Variants in VOPP1 observed in about 807,000 individuals in gnomAD.
VOPP1 encodes the protein VOPP1 WW domain binding protein.
Under a neutral mutation model 23.5 loss-of-function variants are expected in VOPP1, and 8 were observed. The ratio of observed to expected loss-of-function variants is 0.34; its 90% CI spans 0.20 to 0.61. The LOEUF is 0.61. VOPP1 is among the 20% of genes least tolerant of loss of function. The pLI, the probability that VOPP1 is intolerant of heterozygous loss-of-function variation, is 0.78. For missense variants in VOPP1, 174 were observed against 238.1 expected, an observed-to-expected ratio of 0.73 and a Z score of 1.77; for synonymous variants, 83 against 97.3, an observed-to-expected ratio of 0.85 and a Z score of 0.86.
intron 3 of VOPP1, among the ~76,000 whole-genome samples, chr7:55,493,899 G>T (rs1793759246): frequency 6.6e-6 from 1 of 152,176 alleles, no homozygotes; most frequent in Admixed American, 6.5e-5. Flanking sequence ...GCACCAAGAG[G>T]TTTGAACAAG....
chr7:55,562,371 C>T (rs1443983507), intron 1 of VOPP1, among the ~76,000 whole-genome samples: 10 of 152,204 alleles, frequency 6.6e-5, no homozygotes, highest in African/African-American at 2.2e-4. Flanking sequence ...CATTTCTAGT[C>T]TTACTGGGAT....
At chr7:55,518,345 A>T (rs1425015734) in intron 2 of VOPP1, among the ~76,000 whole-genome samples, 2 of 152,222 alleles carry the variant, frequency 1.3e-5, no homozygotes, top group Non-Finnish European at 2.9e-5. Flanking sequence ...TTTCACCTCA[A>T]TTAAATAAAA....
intron 1 of VOPP1, chr7:55,538,779 G>T: frequency 1.4e-6 from 1 of 738,668 alleles, no homozygotes; most frequent in Non-Finnish European, 2.1e-6. Context: ...GTGGGTTTGA[G>T]CTGCTGATGA....
intron 4 of VOPP1, among the ~76,000 whole-genome samples, chr7:55,452,083 C>G (rs1791259697): frequency 6.6e-6 from 1 of 152,292 alleles, no homozygotes; most frequent in East Asian, 1.9e-4. Context: ...AGTTAAACCT[C>G]TCAAACCCTG....
At chr7:55,505,256 G>A (rs1436113603) in intron 2 of VOPP1, among the ~76,000 whole-genome samples, 1 of 152,132 alleles carries the variant, frequency 6.6e-6, no homozygotes, top group Non-Finnish European at 1.5e-5. Flanking sequence ...TCCACAGTCG[G>A]GTCAGGGAGA....
chr7:55,566,509 C>G (rs776782497), intron 1 of VOPP1, among the ~76,000 whole-genome samples: 1 of 152,138 alleles, frequency 6.6e-6, no homozygotes, highest in African/African-American at 2.4e-5. Context: ...TTGCAGTGAG[C>G]CGAGATCATG....
intron 2 of VOPP1, among the ~76,000 whole-genome samples, chr7:55,509,795 T>C (rs1372288079): frequency 6.6e-6 from 1 of 152,246 alleles, no homozygotes; most frequent in Admixed American, 6.5e-5. Context: ...TCCCGGAACC[T>C]ATTCTTTTCA....
In VOPP1 at chr7:55,534,834, T is replaced by C. The variant is rs1796689795; in HGVS notation, c.55-13704A>G. 2.6e-5 allele frequency among the ~76,000 whole-genome samples: 4 copies of C among 152,346 alleles called. No homozygotes were observed. The South Asian group carries it at 6.2e-4, about 24-fold the overall frequency. On this transcript the variant is annotated intron_variant, in intron 1 of 4. Coordinates refer to ENST00000285279, the MANE Select transcript of VOPP1 (RefSeq NM_030796.5). ...CTTTGGGGAAAGTACCACCGCCCAC[T>C]AGCTCACCCCAGCCACATGCTGTCC...
intron 1 of VOPP1, among the ~76,000 whole-genome samples, chr7:55,534,946 G>A (rs1486767083): frequency 6.6e-6 from 1 of 152,250 alleles, no homozygotes; most frequent in Non-Finnish European, 1.5e-5. Flanking sequence ...AAGGAGGCTG[G>A]CATCAAAAGC....
intron 1 of VOPP1, among the ~76,000 whole-genome samples, chr7:55,540,333 T>A (rs1431261512): frequency 6.6e-6 from 1 of 151,582 alleles, no homozygotes; most frequent in Non-Finnish European, 1.5e-5. Flanking sequence ...TGGAGATGGA[T>A]GTTGCAGTGA....
intron 1 of VOPP1, among the ~76,000 whole-genome samples, 196 bp from the exon 2 acceptor site, chr7:55,521,326 T>C (rs1404852032): frequency 1.3e-5 from 2 of 152,228 alleles, no homozygotes; most frequent in Non-Finnish European, 2.9e-5. Context: ...ACATCTATTT[T>C]TCTATTTTTT....
In VOPP1 at chr7:55,471,413, C is replaced by G. The variant is rs1267485866; in HGVS notation, c.*1442G>C. ...ACACCAAATCACTCCGTATCCACTT[C>G]CATGAGATGTCTTGATGCTCCAGTT... On this transcript the variant is annotated 3_prime_UTR_variant, in exon 5 of 5. Coordinates refer to ENST00000285279, the MANE Select transcript of VOPP1 (RefSeq NM_030796.5). The G allele has an allele frequency of 6.6e-6, 1 of 152,436 alleles. No individual in the cohort carries two copies. The highest frequency in any genetic ancestry group is 1.5e-5 in the Non-Finnish European group (1 of 68,050). The allele number at this position is 152,436 out of a possible 1,614,324, so 9.4% of individuals were successfully genotyped here. A position where few individuals can be genotyped will look rare whatever the true frequency, so the allele number is the denominator to read the frequency against.
chr7:55,547,441 A>G (rs1353423311), intron 1 of VOPP1, among the ~76,000 whole-genome samples: 2 of 152,244 alleles, frequency 1.3e-5, no homozygotes, highest in African/African-American at 4.8e-5. Flanking sequence ...AAGTACAGGA[A>G]TCTTTAATTT....
At chr7:55,464,847 C>A (rs1791593833) in intron 4 of VOPP1, among the ~76,000 whole-genome samples, 1 of 152,122 alleles carries the variant, frequency 6.6e-6, no homozygotes, top group South Asian at 2.1e-4. Flanking sequence ...GAGTGAAGTT[C>A]TTCTCTGGAC....
At chr7:55,438,614 G>C (rs940550908) in intron 4 of VOPP1, among the ~76,000 whole-genome samples, 4 of 152,142 alleles carry the variant, frequency 2.6e-5, no homozygotes, top group Non-Finnish European at 5.9e-5. Flanking sequence ...AAGGCCCCGG[G>C]GAAGCACTTC....
At chr7:55,559,468 G>A (rs1797913710) in intron 1 of VOPP1, among the ~76,000 whole-genome samples, 1 of 152,184 alleles carries the variant, frequency 6.6e-6, no homozygotes, top group Admixed American at 6.5e-5. Flanking sequence ...CAGCTGACCA[G>A]GGCCCAGATG....
At chr7:55,543,554 C>T (rs977527813) in intron 1 of VOPP1, among the ~76,000 whole-genome samples, 4 of 152,174 alleles carry the variant, frequency 2.6e-5, no homozygotes, top group African/African-American at 7.2e-5. Context: ...GGTCCCCTTT[C>T]GCCATATCCT....
intron 1 of VOPP1, among the ~76,000 whole-genome samples, chr7:55,555,355 A>G (rs1468911883): frequency 1.3e-5 from 2 of 152,174 alleles, no homozygotes; most frequent in Non-Finnish European, 2.9e-5. Context: ...CAGCACTACC[A>G]TTTCCGCACA....
At position 55,471,608 on chromosome 7, in the gene VOPP1, C is replaced by T. The variant is rs1428942420; in HGVS notation, c.*1247G>A. Reference sequence around the variant, plus strand: ...TTCACACATCAACACTATAACTATGCGGCGGAACTAGCTCCCCGCTAGCCG... The same window carrying T: ...TTCACACATCAACACTATAACTATGTGGCGGAACTAGCTCCCCGCTAGCCG... On this transcript the variant is annotated 3_prime_UTR_variant, in exon 5 of 5. Coordinates refer to ENST00000285279, the MANE Select transcript of VOPP1 (RefSeq NM_030796.5). 4.6e-5 allele frequency: 7 copies of T among 151,378 alleles called. No homozygotes were observed. The highest frequency in any genetic ancestry group is 7.3e-5 in the African/African-American group (3 of 41,120). 9.4% of individuals were successfully genotyped at this position (151,378 alleles called of 1,614,324 possible).
Sources: gnomAD v4.1 joint callset for allele counts (sites outside exome capture counted in the v4.1 genomes callset) on GRCh38, gnomAD v4.1.1 for gene constraint, MANE v1.5 for transcripts, NCBI Gene and HGNC (gene_info 2026-07-23, HGNC 2026-07-21) for gene names.